The following FLI1 variants were observed in gnomAD, a reference collection of about 807,000 sequenced individuals.
FLI1 encodes Friend leukemia integration 1 transcription factor.
In FLI1, 13 loss-of-function variants were observed where a neutral mutation model predicts 53.1. The ratio of observed to expected loss-of-function variants is 0.24; its 90% confidence interval spans 0.16 to 0.39. The LOEUF is 0.39. Ranked by LOEUF, FLI1 falls within the 10% of genes least tolerant of loss-of-function variation. The pLI is 1.00. For missense variants in FLI1, 424 were observed against 600.5 expected (o/e 0.71, Z 3.07); for synonymous variants, 244 against 236.7 (o/e 1.03, Z -0.28).
chr11:128,762,248 A>G (rs1478365934), intron 2 of FLI1, among the ~76,000 whole-genome samples: 1 of 152,252 alleles, frequency 6.6e-6, no homozygotes, highest in Non-Finnish European at 1.5e-5. Context: ...TTACTTGCAC[A>G]TGATTTGATT....
intron 1 of FLI1, among the ~76,000 whole-genome samples, chr11:128,705,738 TC>T (rs2135709989): frequency 6.6e-6 from 1 of 152,308 alleles, no homozygotes; most frequent in South Asian, 2.1e-4. Context: ...AAGTGAGACT[TC>T]CTGTGGACTG....
At chr11:128,740,992 C>A (rs647579) in intron 1 of FLI1, among the ~76,000 whole-genome samples, 20,363 of 152,134 alleles carry the variant, frequency 0.13, 1,725 homozygotes, top group East Asian at 0.3. Flanking sequence ...GGGAAGAGCT[C>A]CCAGGCACGT....
intron 1 of FLI1, among the ~76,000 whole-genome samples, chr11:128,736,518 A>C (rs1227462587): frequency 6.6e-6 from 1 of 152,232 alleles, no homozygotes; most frequent in Non-Finnish European, 1.5e-5. Flanking sequence ...GAACCTGGAA[A>C]GATTTCTTGA....
intron 8 of FLI1, 67 bp downstream of exon 8, chr11:128,809,271 A>C: frequency 1.0e-5 from 14 of 1,371,250 alleles, no homozygotes; most frequent in Non-Finnish European, 1.3e-5. Context: ...AATCACAGAG[A>C]CTTCTGTCCT....
chr11:128,774,796 C>G (rs1242492968), intron 4 of FLI1, among the ~76,000 whole-genome samples: 1 of 152,162 alleles, frequency 6.6e-6, no homozygotes, highest in African/African-American at 2.4e-5. Flanking sequence ...AGTCCATAAA[C>G]AGCCCAAGGT....
chr11:128,790,738 A>C (rs1207742617), intron 5 of FLI1, among the ~76,000 whole-genome samples: 1 of 152,220 alleles, frequency 6.6e-6, no homozygotes, highest in African/African-American at 2.4e-5. Flanking sequence ...GGCCTATTCC[A>C]TTAGAGGAGG....
In FLI1 at chr11:128,767,904, C is replaced by T. The variant is rs73573745; in HGVS notation, c.231-214C>T. On this transcript the variant is annotated intron_variant, in intron 2 of 8. Transcript: ENST00000527786. ...ACTGAGGCGCTGCCAGCAGTTTTTA[C>T]GTACTGTAATTATAGGATTGGGCTG... Among the ~76,000 whole-genome samples the T allele has an allele frequency of 0.056, 8,577 of 152,210 alleles. 788 individuals are homozygous for T. The highest frequency in any genetic ancestry group is 0.19 in the African/African-American group (7,986 of 41,492).
At chr11:128,750,700 C>G (rs963259756) in intron 1 of FLI1, among the ~76,000 whole-genome samples, 1 of 152,176 alleles carries the variant, frequency 6.6e-6, no homozygotes, top group Admixed American at 6.5e-5. Flanking sequence ...CGGCCATGCT[C>G]TGATCACATC....
chr11:128,764,298 C>A (rs922081384), intron 2 of FLI1, among the ~76,000 whole-genome samples: 4 of 152,202 alleles, frequency 2.6e-5, no homozygotes, highest in Admixed American at 2.6e-4. Context: ...TAGCAATGTT[C>A]ACAGAACACA....
chr11:128,726,019 C>T (rs1004726230), intron 1 of FLI1, among the ~76,000 whole-genome samples: 3 of 152,154 alleles, frequency 2.0e-5, no homozygotes, highest in African/African-American at 4.8e-5. Flanking sequence ...GGAATGGCTC[C>T]GTGCTTCAGC....
At chr11:128,729,612 G>A (rs1939615508) in intron 1 of FLI1, among the ~76,000 whole-genome samples, 1 of 152,204 alleles carries the variant, frequency 6.6e-6, no homozygotes, top group Non-Finnish European at 1.5e-5. Flanking sequence ...CAGGACAACT[G>A]AGGTCCCCTT....
chr11:128,723,559 G>A lies in FLI1; in HGVS notation c.18+29283G>A, dbSNP rs1182091181. 2.6e-5 allele frequency among the ~76,000 whole-genome samples: 4 copies of A among 152,178 alleles called. No homozygotes were observed. In the South Asian group the frequency reaches 6.2e-4, roughly 24 times the overall value. ...CCATATATGTGCTGAGCCCCATGAA[G>A]CAGTGACATATGGGAAAGAAAGGGG... On this transcript the variant is annotated intron_variant, in intron 1 of 8. Coordinates refer to ENST00000527786, the MANE Select transcript of FLI1 (RefSeq NM_002017.5).
chr11:128,766,569 CA>C (rs1466011758), intron 2 of FLI1, among the ~76,000 whole-genome samples: 1 of 151,980 alleles, frequency 6.6e-6, no homozygotes, highest in Non-Finnish European at 1.5e-5. Flanking sequence ...GATTAAGAAA[CA>C]AATTCATTTA....
At chr11:128,710,607 A>G (rs998875022) in intron 1 of FLI1, among the ~76,000 whole-genome samples, 1 of 152,238 alleles carries the variant, frequency 6.6e-6, no homozygotes, top group East Asian at 1.9e-4. Flanking sequence ...GAGCATCTCA[A>G]ATTTATATTT....
upstream of FLI1, among the ~76,000 whole-genome samples, chr11:128,689,594 A>G (rs1242067998): frequency 1.3e-5 from 2 of 152,158 alleles, no homozygotes; most frequent in Admixed American, 6.5e-5. Flanking sequence ...GAGTTTCAAG[A>G]CCACGGATCT....
At chr11:128,712,983 G>T (rs757366927) in intron 1 of FLI1, among the ~76,000 whole-genome samples, 3 of 152,190 alleles carry the variant, frequency 2.0e-5, no homozygotes, top group South Asian at 2.1e-4. Context: ...CTTCATTACT[G>T]AGGTCTCGCT....
chr11:128,746,261 G>A (rs1337713413), intron 1 of FLI1, among the ~76,000 whole-genome samples: 2 of 152,162 alleles, frequency 1.3e-5, no homozygotes, highest in Non-Finnish European at 2.9e-5. Context: ...TCAGACTGAT[G>A]AGGTTCTTCT....
chr11:128,761,233 T>C (rs1941108207), intron 2 of FLI1, among the ~76,000 whole-genome samples: 1 of 152,176 alleles, frequency 6.6e-6, no homozygotes, highest in African/African-American at 2.4e-5. Context: ...GGAACATTCC[T>C]ACTCCATCTA....
At chr11:128,792,601 C>T (rs1017436178) in intron 5 of FLI1, among the ~76,000 whole-genome samples, 4 of 152,202 alleles carry the variant, frequency 2.6e-5, no homozygotes, top group African/African-American at 7.2e-5. Context: ...TGGAGACAAA[C>T]GGGCTTCAGA....
Sources: allele counts gnomAD v4.1 joint callset (sites outside exome capture counted in the v4.1 genomes callset), GRCh38; gene constraint gnomAD v4.1.1; transcripts MANE v1.5; gene names NCBI Gene and HGNC (gene_info 2026-07-23, HGNC 2026-07-21).